The following TBC1D4 variants were observed in gnomAD, a reference collection of about 807,000 sequenced individuals.
TBC1D4 encodes TBC (Tre-2, BUB2, CDC16) domain-containing protein.
A neutral mutation model predicts 142.5 loss-of-function variants in TBC1D4; 121 were observed. The observed-to-expected ratio is 0.85, with a 90% CI of 0.73 to 0.99. TBC1D4 has a LOEUF of 0.99. TBC1D4 is among the 50% of genes least tolerant of loss of function. The pLI, the probability that TBC1D4 is intolerant of heterozygous loss-of-function variation, is 0.00. For missense variants in TBC1D4, 1,475 were observed against 1,606.6 expected (o/e 0.92, Z 1.40); for synonymous variants, 630 against 628.2 (o/e 1.00, Z -0.04).
chr13:75,356,111 C>A (rs1882023396), intron 4 of TBC1D4, 36 bp downstream of exon 4: 1 of 1,509,012 alleles, frequency 6.6e-7, no homozygotes, highest in Non-Finnish European at 9.2e-7. Flanking sequence ...ACAGATGTGT[C>A]CGCAGGAGCA....
At chr13:75,449,265 TAC>T (rs564730019) in intron 1 of TBC1D4, among the ~76,000 whole-genome samples, 101 of 152,040 alleles carry the variant, frequency 6.6e-4, no homozygotes, top group African/African-American at 2.3e-3. Context: ...TATATATGTA[TAC>T]ACACACATAT....
chr13:75,481,551 C>T lies in TBC1D4; in HGVS notation c.217G>A (p.Gly73Ser), dbSNP rs761862519. 8 of 1,591,332 alleles carry T rather than the reference C, an allele frequency of 5.0e-6. No homozygotes were observed. The highest frequency in any genetic ancestry group is 6.8e-6 in the Non-Finnish European group (8 of 1,169,740). Residue 73 changes from glycine to serine, a missense_variant, in exon 1 of 21, where the codon GGC becomes AGC. Gly to Ser is a moderately conservative substitution (Grantham distance 56, BLOSUM62 0). Transcript: ENST00000377636. ...TCTCGGGCCGCCGGCGCCCCGCAGC[C>T]GCCCGCCTCGGGCTTCTGGCTGCGC... ...RRRSQKPEAGGCGAPAAREVI... is the reference protein window; with the variant it reads ...RRRSQKPEAGSCGAPAAREVI...
chr13:75,445,837 T>G (rs1887259396), intron 1 of TBC1D4, among the ~76,000 whole-genome samples: 1 of 152,272 alleles, frequency 6.6e-6, no homozygotes, highest in African/African-American at 2.4e-5. Context: ...ATTCATAATC[T>G]GATGATTGCC....
intron 11 of TBC1D4, among the ~76,000 whole-genome samples, chr13:75,322,626 T>TA (rs1878868789): frequency 6.6e-6 from 1 of 152,204 alleles, no homozygotes. Context: ...TGGGTATTGC[T>TA]AATTGTCACT....
chr13:75,304,375 A>G (rs528320543), intron 15 of TBC1D4, among the ~76,000 whole-genome samples: 1 of 152,340 alleles, frequency 6.6e-6, no homozygotes, highest in African/African-American at 2.4e-5. Context: ...TTGAGTGATG[A>G]ATAAATCCAT....
intron 8 of TBC1D4, among the ~76,000 whole-genome samples, chr13:75,332,613 T>C (rs1879846964): frequency 6.6e-6 from 1 of 152,192 alleles, no homozygotes; most frequent in South Asian, 2.1e-4. Flanking sequence ...GAGTTTCTGA[T>C]TAAGTAGGTC....
chr13:75,427,085 T>C (rs1202286208), intron 1 of TBC1D4, among the ~76,000 whole-genome samples: 1 of 150,514 alleles, frequency 6.6e-6, no homozygotes, highest in Non-Finnish European at 1.5e-5. Context: ...ACCTTCAAAA[T>C]ATAAACATTT....
intron 16 of TBC1D4, among the ~76,000 whole-genome samples, chr13:75,301,381 C>T (rs1314300847): frequency 6.6e-6 from 1 of 152,128 alleles, no homozygotes; most frequent in African/African-American, 2.4e-5. Context: ...GTGGCTCATG[C>T]CTGTAATCCC....
In TBC1D4 at chr13:75,407,037, A is replaced by C. The variant is rs570281322; in HGVS notation, c.499-44430T>G. Reference sequence around the variant, plus strand: ...CGTGATAAACTGAGGCATGTGAGACAAGCTGACCAAAGCTTCAGAAGTGTT... The same window carrying C: ...CGTGATAAACTGAGGCATGTGAGACCAGCTGACCAAAGCTTCAGAAGTGTT... On this transcript the variant is annotated intron_variant, in intron 1 of 20. Coordinates refer to ENST00000377636, the MANE Select transcript of TBC1D4 (RefSeq NM_014832.5). Among the ~76,000 whole-genome samples, 12 of 152,310 alleles carry C rather than the reference A, an allele frequency of 7.9e-5. No individual in the cohort carries two copies. In the East Asian group the frequency reaches 1.2e-3, roughly 15 times the overall value.
intron 12 of TBC1D4, among the ~76,000 whole-genome samples, chr13:75,315,126 G>A (rs1878169614): frequency 1.3e-5 from 2 of 151,604 alleles, no homozygotes; most frequent in South Asian, 4.2e-4. Flanking sequence ...GGCCAACATG[G>A]GCAAAATCCT....
intron 14 of TBC1D4, among the ~76,000 whole-genome samples, chr13:75,307,651 T>C (rs1877316890): frequency 6.6e-6 from 1 of 152,214 alleles, no homozygotes; most frequent in South Asian, 2.1e-4. Flanking sequence ...AAAGTTACTC[T>C]TTACTTAGTG....
chr13:75,372,407 T>C (rs1883268695), intron 1 of TBC1D4, among the ~76,000 whole-genome samples: 2 of 152,010 alleles, frequency 1.3e-5, no homozygotes, highest in Non-Finnish European at 2.9e-5. Context: ...GTAGCTGGAA[T>C]TACAGGCGCC....
At chr13:75,299,599 T>C (rs752230597) in intron 16 of TBC1D4, 25 bp from the exon 17 acceptor site, 1 of 1,613,236 alleles carries the variant, frequency 6.2e-7, no homozygotes, top group Non-Finnish European at 8.5e-7. Flanking sequence ...AAGGAAAATA[T>C]TTTTTGAAAT....
In TBC1D4 at chr13:75,367,464, G is replaced by C. The variant is rs1052722839; in HGVS notation, c.499-4857C>G. Among the ~76,000 whole-genome samples the C allele has an allele frequency of 2.6e-5, 4 of 151,878 alleles. No individual in the cohort carries two copies. In the East Asian group the frequency reaches 5.8e-4, roughly 22 times the overall value. On this transcript the variant is annotated intron_variant, in intron 1 of 20. Coordinates refer to ENST00000377636, the MANE Select transcript of TBC1D4 (RefSeq NM_014832.5). ...TTTTACAATTGATATAAGCTTCACTGCTTGATATTATTAATCTTTTATAAT... is the reference window on the plus strand; with the variant it reads ...TTTTACAATTGATATAAGCTTCACTCCTTGATATTATTAATCTTTTATAAT...
intron 12 of TBC1D4, among the ~76,000 whole-genome samples, chr13:75,314,307 G>A (rs976592672): frequency 1.3e-5 from 2 of 152,074 alleles, no homozygotes; most frequent in African/African-American, 4.8e-5. Context: ...GGAATCAAAA[G>A]GTCAGTGCTG....
At position 75,336,816 on chromosome 13, in the gene TBC1D4, T is replaced by G. The variant is rs982073169; in HGVS notation, c.1731+105A>C. The G allele has an allele frequency of 3.9e-5, 51 of 1,309,884 alleles. No individual in the cohort carries two copies. In the Middle Eastern group the frequency reaches 5.7e-4, roughly 15 times the overall value. The allele number at this position is 1,309,884 out of a possible 1,614,324, so 81.1% of individuals were successfully genotyped here. A position where few individuals can be genotyped will look rare whatever the true frequency, so the allele number is the denominator to read the frequency against. ...TAAAAGTTATCTTAGGTTTTTTTTT[T>G]GTTTGTTTTTTGTTTTAAGGAAATC... is the stretch of plus-strand genomic sequence containing the variant. On this transcript the variant is annotated intron_variant, in intron 8 of 20. Transcript: ENST00000377636.
At position 75,286,906 on chromosome 13, in the gene TBC1D4, T is replaced by G. The variant is rs1874736869; in HGVS notation, c.3783A>C (p.Thr1261=). The G allele has an allele frequency of 6.2e-7, 1 of 1,613,932 alleles. No homozygotes were observed. Among genetic ancestry groups the G allele is most frequent in the Non-Finnish European group, 8.5e-7 (1 of 1,179,982 alleles). The change falls in exon 21 of 21, where the codon ACA becomes ACC. Residue 1261 remains threonine, a synonymous_variant. Transcript: ENST00000377636. ...GCAGCAGCTTCCGGAGTTGCTCCAC[T>G]GTCTTTTGATAAGCCATTTTTTCTT... The part of the protein sequence containing the change: ...LEQEKMAYQK[T]VEQLRKLLPA...
At chr13:75,475,078 C>T (rs1485567817) in intron 1 of TBC1D4, among the ~76,000 whole-genome samples, 1 of 152,190 alleles carries the variant, frequency 6.6e-6, no homozygotes, top group African/African-American at 2.4e-5. Context: ...CCAGGAAGAG[C>T]TCAATAAACG....
intron 8 of TBC1D4, among the ~76,000 whole-genome samples, chr13:75,331,876 T>C (rs57955545): frequency 4.8e-5 from 7 of 146,720 alleles, no homozygotes; most frequent in African/African-American, 1.7e-4. Flanking sequence ...GTTTTAGAAG[T>C]ATACAAAACC....
Sources: allele counts gnomAD v4.1 joint callset (sites outside exome capture counted in the v4.1 genomes callset), GRCh38; gene constraint gnomAD v4.1.1; transcripts MANE v1.5; gene names NCBI Gene and HGNC (gene_info 2026-07-23, HGNC 2026-07-21).